The following MYO15B variants were observed in gnomAD, a reference collection of about 807,000 sequenced individuals.
MYO15B encodes the protein myosin XVB.
A neutral mutation model predicts 119.3 loss-of-function variants in MYO15B; 207 were observed. The observed-to-expected ratio is 1.73, with a 90% CI of 1.55 to 1.95. The LOEUF (loss-of-function observed/expected upper bound fraction) is 1.95. Among genes scored for constraint, MYO15B ranks in the 30% most tolerant of loss-of-function variants. The probability of loss-of-function intolerance (pLI) is 0.00; values close to 1 mark genes in which losing one functional copy is unlikely to be tolerated. For synonymous variants in MYO15B, 966 were observed against 498.9 expected (o/e 1.94, Z -12.48); for missense variants, 2,264 against 1,203.1 (o/e 1.88, Z -13.04).
rs112651897 is a variant in MYO15B at position 75,614,195 on chromosome 17, C to G, written c.5220-4C>G. On this transcript the variant is annotated splice_polypyrimidine_tract_variant and splice_region_variant and intron_variant, in intron 29 of 63. Transcript: ENST00000645453. ...GCCTCACTGACTGGTCCCCTCCCAC[C>G]CAGAGGCCTGGAGGCGCCTCCCCGG... is the stretch of plus-strand genomic sequence containing the variant. 809 of 702,396 alleles carry G rather than the reference C, an allele frequency of 1.2e-3. 7 individuals are homozygous for G. In the African/African-American group the frequency reaches 0.012, roughly 10 times the overall value. 43.5% of individuals were successfully genotyped at this position (702,396 alleles called of 1,614,324 possible). A position where few individuals can be genotyped will look rare whatever the true frequency, so the allele number is the denominator to read the frequency against.
exon 47 of MYO15B, chr17:75,619,942 C>T (rs1286606406): frequency 4.3e-6 from 3 of 702,718 alleles, no homozygotes; most frequent in Admixed American, 2.0e-5. Context: ...CACTGAAGAG[C>T]GAGCAGCTGG....
At chr17:75,588,883 A>C in exon 1 of MYO15B, 1 of 398,440 alleles carries the variant, frequency 2.5e-6, no homozygotes, top group Non-Finnish European at 4.4e-6. Context: ...TGGGCCGGCC[A>C]AGGACGCGAG....
At chr17:75,594,887 TGAG>T in exon 12 of MYO15B, 1 of 703,024 alleles carries the variant, frequency 1.4e-6, no homozygotes, top group South Asian at 1.5e-5. Context: ...CACCGGCTTC[TGAG>T]GAGAACCAAT....
At chr17:75,599,626 G>C (rs12940779) in intron 14 of MYO15B, among the ~76,000 whole-genome samples, 49,491 of 151,438 alleles carry the variant, frequency 0.33, 9,346 homozygotes, top group East Asian at 0.56. Flanking sequence ...GCACATGTAG[G>C]CCGGGCGCGG....
intron 32 of MYO15B, 28 bp from the exon 33 acceptor site, chr17:75,614,933 C>T: frequency 1.4e-6 from 1 of 703,044 alleles, no homozygotes; most frequent in South Asian, 1.5e-5. Flanking sequence ...AGGGCTCTCA[C>T]TCTGACCTGT....
intron 63 of MYO15B, 57 bp from the exon 64 acceptor site, chr17:75,626,350 G>A: frequency 1.4e-6 from 1 of 702,410 alleles, no homozygotes; most frequent in Non-Finnish European, 2.6e-6. Flanking sequence ...TGTGGGCCGG[G>A]GCAGAGGCGA....
chr17:75,610,046 A>G (rs959159510), intron 21 of MYO15B, 120 bp from the exon 22 acceptor site: 150 of 541,190 alleles, frequency 2.8e-4, no homozygotes, highest in Admixed American at 4.4e-4. Context: ...TGAAGCATCC[A>G]GGGCTTCTCT....
chr17:75,591,209 G>C (rs1296081825), exon 4 of MYO15B: 2 of 702,950 alleles, frequency 2.8e-6, no homozygotes, highest in Non-Finnish European at 5.2e-6. Context: ...CTATGACCTG[G>C]CTCAGAATAC....
intron 53 of MYO15B, among the ~76,000 whole-genome samples, chr17:75,623,060 G>A (rs965173504): frequency 3.9e-5 from 6 of 152,226 alleles, no homozygotes; most frequent in Admixed American, 6.5e-5. Context: ...GGCCGGGCGC[G>A]GCGGCTCCCG....
chr17:75,615,833 A>G, exon 36 of MYO15B: 1 of 701,348 alleles, frequency 1.4e-6, no homozygotes. Flanking sequence ...AGCCCCCCAC[A>G]CCCCCGGAGA....
At chr17:75,612,931 T>C (rs550833574) in intron 26 of MYO15B, 38 bp downstream of exon 26, 1 of 692,504 alleles carries the variant, frequency 1.4e-6, no homozygotes, top group Non-Finnish European at 2.6e-6. Flanking sequence ...GATAGGCGCC[T>C]GGGAGCCCCG....
chr17:75,592,182 G>A (rs1478702884), intron 6 of MYO15B, 56 bp from the exon 7 acceptor site: 5 of 701,194 alleles, frequency 7.1e-6, no homozygotes, highest in Middle Eastern at 2.3e-4. Flanking sequence ...TCTTCTGCAC[G>A]GGGCCCCTGG....
chr17:75,602,793 C>T (rs542277267), intron 16 of MYO15B, 37 bp from the exon 17 acceptor site: 1 of 609,412 alleles, frequency 1.6e-6, no homozygotes, highest in East Asian at 2.7e-5. Flanking sequence ...ATGGGCACGC[C>T]CCAGCGGCCA....
At chr17:75,624,750 G>T in intron 58 of MYO15B, 21 bp from the exon 59 acceptor site, 1 of 702,748 alleles carries the variant, frequency 1.4e-6, no homozygotes, top group Non-Finnish European at 2.6e-6. Flanking sequence ...GAGCAGCAGT[G>T]GACCTAGGCT....
intron 21 of MYO15B, among the ~76,000 whole-genome samples, chr17:75,608,886 A>G (rs944093840): frequency 6.6e-6 from 1 of 152,126 alleles, no homozygotes; most frequent in Non-Finnish European, 1.5e-5. Flanking sequence ...GGCACCTGCC[A>G]CCATGCTCAG....
At chr17:75,626,125 G>A (rs770310527) in exon 63 of MYO15B, 42 of 703,086 alleles carry the variant, frequency 6.0e-5, no homozygotes, top group Middle Eastern at 4.6e-4. Flanking sequence ...AGCCTGCAGC[G>A]GCTCCACCTG....
rs372193899 is a variant in MYO15B at position 75,625,565 on chromosome 17, G to A, written c.8843G>A (p.Arg2948Gln). The A allele has an allele frequency of 8.5e-5, 60 of 703,034 alleles. No individual in the cohort carries two copies. In the East Asian group the frequency reaches 1.2e-3, roughly 14 times the overall value. The allele number at this position is 703,034 out of a possible 1,614,324, so 43.5% of individuals were successfully genotyped here. ...GCTTACGTGCCAAAGCAGCTGCAAC[G>A]GCAGGTGAACACGGCCTCCATCAAG... The change falls in exon 61 of 64, where the codon CGG becomes CAG. Residue 2948 changes from arginine (R) to glutamine (Q), a missense_variant. By Grantham distance (43) the Arg-to-Gln change is conservative. Coordinates refer to ENST00000645453, the Ensembl canonical transcript of MYO15B.
At chr17:75,591,102 T>C (rs1258005761) in intron 3 of MYO15B, 70 bp from the exon 4 acceptor site, 3 of 699,662 alleles carry the variant, frequency 4.3e-6, no homozygotes, top group African/African-American at 3.5e-5. Context: ...TCCCGGGGCC[T>C]GTGAGCACCT....
chr17:75,601,125 G>A (rs922368664), intron 14 of MYO15B, among the ~76,000 whole-genome samples: 4 of 151,566 alleles, frequency 2.6e-5, no homozygotes, highest in East Asian at 3.9e-4. Context: ...GGCTGGTCTC[G>A]AACTCCTGAC....
Sources: allele counts gnomAD v4.1 joint callset (sites outside exome capture counted in the v4.1 genomes callset), GRCh38; gene constraint gnomAD v4.1.1; transcripts MANE v1.5; gene names NCBI Gene and HGNC (gene_info 2026-07-23, HGNC 2026-07-21).